The following NFATC1 variants were observed in gnomAD, a reference collection of about 807,000 sequenced individuals.
The protein encoded by NFATC1 is nuclear factor of activated T-cells, cytoplasmic 1.
A neutral mutation model predicts 76.0 loss-of-function variants in NFATC1; 22 were observed. That is an observed-to-expected ratio of 0.29 (90% CI 0.21 to 0.41). NFATC1 has a LOEUF of 0.41. NFATC1 is among the 10% of genes least tolerant of loss of function. NFATC1 has a pLI of 1.00. For missense variants in NFATC1, 1,357 were observed against 1,337.7 expected, an observed-to-expected ratio of 1.01 and a Z score of -0.23; for synonymous variants, 704 against 613.1, an observed-to-expected ratio of 1.15 and a Z score of -2.19.
intron 9 of NFATC1, among the ~76,000 whole-genome samples, chr18:79,506,475 G>A (rs1409239990): frequency 6.6e-6 from 1 of 152,184 alleles, no homozygotes; most frequent in Non-Finnish European, 1.5e-5. Flanking sequence ...CCTCCACACA[G>A]CCCTTGGAGC....
At chr18:79,513,401 C>T (rs1174604383) in intron 9 of NFATC1, among the ~76,000 whole-genome samples, 4 of 152,226 alleles carry the variant, frequency 2.6e-5, no homozygotes, top group African/African-American at 2.4e-5. Context: ...CTCTTCCACC[C>T]GCCTCCCACC....
intron 2 of NFATC1, among the ~76,000 whole-genome samples, chr18:79,420,198 C>T (rs185052339): frequency 4.0e-5 from 6 of 150,094 alleles, no homozygotes; most frequent in Non-Finnish European, 1.5e-5. Flanking sequence ...TTCCAGGCGA[C>T]GTCGCTGCAG....
chr18:79,422,934 CG>C (rs1416223591), intron 2 of NFATC1, among the ~76,000 whole-genome samples: 1 of 146,448 alleles, frequency 6.8e-6, no homozygotes. Flanking sequence ...GGGGCTGCCT[CG>C]GGGGCGGGGG....
rs150374931 is a variant in NFATC1, at chr18:79,410,428, C to A, written c.153C>A (p.Asn51Lys). ...EEEHYGYASS[N>K]VSPALPLPTA... Reference sequence around the variant, plus strand: ...AACACTATGGCTATGCATCCTCCAACGTCAGCCCCGCCCTGCCGCTCCCCA... The same window carrying A: ...AACACTATGGCTATGCATCCTCCAAAGTCAGCCCCGCCCTGCCGCTCCCCA... Residue 51 changes from asparagine (N) to lysine (K), a missense_variant, in exon 2 of 10, where the codon AAC becomes AAA. Physicochemically the swap from Asn to Lys is moderately conservative, Grantham distance 94. This residue lies in a region of NFATC1 where 691 missense variants were observed against 613.1 expected (regional missense o/e 1.13). Coordinates refer to ENST00000427363, the MANE Select transcript of NFATC1 (RefSeq NM_001278669.2). This position sits in a 1 kb window ranked among gnomAD's most constrained non-coding sequence, Gnocchi z 6.7. The A allele has an allele frequency of 6.2e-7, 1 of 1,611,132 alleles. No homozygotes were observed. Among genetic ancestry groups the A allele is most frequent in the Non-Finnish European group, 8.5e-7 (1 of 1,179,350 alleles).
At chr18:79,481,466 C>T (rs549002128) in intron 8 of NFATC1, among the ~76,000 whole-genome samples, 4 of 152,328 alleles carry the variant, frequency 2.6e-5, no homozygotes, top group East Asian at 1.9e-4. Context: ...AACATGAGGG[C>T]GCCGTGTCCT....
intron 8 of NFATC1, among the ~76,000 whole-genome samples, chr18:79,474,834 A>G (rs1390106195): frequency 2.1e-3 from 283 of 133,900 alleles, no homozygotes; most frequent in African/African-American, 8.7e-3. Context: ...GCGTGTTCTC[A>G]CGCTCGCTGT....
chr18:79,466,413 C>T (rs2088495685), intron 7 of NFATC1, among the ~76,000 whole-genome samples: 1 of 152,178 alleles, frequency 6.6e-6, no homozygotes, highest in South Asian at 2.1e-4. Context: ...GGCAGGGATG[C>T]CTGCATCACC....
At chr18:79,508,347 C>T (rs1346413123) in intron 9 of NFATC1, among the ~76,000 whole-genome samples, 2 of 152,122 alleles carry the variant, frequency 1.3e-5, no homozygotes, top group Non-Finnish European at 2.9e-5. Context: ...GCAGTTCGCT[C>T]GGCCTGACCA....
intron 8 of NFATC1, chr18:79,467,785 TGGGGGTG>T: frequency 4.9e-5 from 11 of 223,094 alleles, no homozygotes; most frequent in Non-Finnish European, 6.8e-5. Context: ...TGATCCCTGT[TGGGGGTG>T]GGGGGCGGGG....
chr18:79,509,319 C>T (rs866928890), intron 9 of NFATC1, among the ~76,000 whole-genome samples: 11 of 152,238 alleles, frequency 7.2e-5, no homozygotes, highest in Admixed American at 3.9e-4. Flanking sequence ...CTCCACCAGC[C>T]GGAACTCACC....
intron 1 of NFATC1, among the ~76,000 whole-genome samples, chr18:79,409,497 C>G (rs1377278779): frequency 1.3e-5 from 2 of 151,996 alleles, no homozygotes; most frequent in Middle Eastern, 3.4e-3. Flanking sequence ...CATCATTCAT[C>G]CATCCATCCG....
chr18:79,400,501 C>T lies in NFATC1; in HGVS notation c.127+4150C>T, dbSNP rs2085166001. The T allele has an allele frequency of 5.7e-6, 8 of 1,400,588 alleles. No homozygotes were observed. The East Asian group carries it at 1.6e-4, about 28-fold the overall frequency. 86.8% of individuals were successfully genotyped at this position (1,400,588 alleles called of 1,614,324 possible). A position where few individuals can be genotyped will look rare whatever the true frequency, so the allele number is the denominator to read the frequency against. ...CCAGGTGGGTCAGTCCCGGAGGGCG[C>T]GGGGGGCGCGGGGCCAGGTCGGGGT... is the stretch of plus-strand genomic sequence containing the variant. On this transcript the variant is annotated intron_variant, in intron 1 of 9. Transcript: ENST00000427363.
intron 8 of NFATC1, among the ~76,000 whole-genome samples, chr18:79,482,012 G>A (rs550448092): frequency 8.9e-5 from 12 of 135,556 alleles, no homozygotes; most frequent in African/African-American, 3.1e-4. Context: ...TCATTCCAGT[G>A]TGACCTGGTT....
chr18:79,396,174 G>C lies in NFATC1; in HGVS notation c.-51G>C. 1.4e-6 allele frequency: 2 copies of C among 1,409,088 alleles called. No homozygotes were observed. The allele number at this position is 1,409,088 out of a possible 1,614,324, so 87.3% of individuals were successfully genotyped here. On this transcript the variant is annotated 5_prime_UTR_variant, in exon 1 of 10. Transcript: ENST00000427363. ...CCGACCCCGGCAGCGCGGGGCGGCC[G>C]CTTCTCCTGTGCCTCCGCCCGCCGC...
chr18:79,438,702 C>T (rs6506768), intron 3 of NFATC1, among the ~76,000 whole-genome samples: 20,780 of 152,186 alleles, frequency 0.14, 2,085 homozygotes, highest in African/African-American at 0.27. Context: ...GATCCTGCCT[C>T]AGCCGCGCGG....
intron 8 of NFATC1, among the ~76,000 whole-genome samples, chr18:79,476,576 C>G (rs1159911461): frequency 6.6e-6 from 1 of 152,210 alleles, no homozygotes; most frequent in Non-Finnish European, 1.5e-5. Context: ...CTGAGACCCC[C>G]ATCAAGTACC....
At chr18:79,488,068 C>T (rs1450740260) in intron 9 of NFATC1, among the ~76,000 whole-genome samples, 1 of 147,126 alleles carries the variant, frequency 6.8e-6, no homozygotes, top group African/African-American at 2.7e-5. Context: ...GCATTAGCCC[C>T]TCCTGACCCA....
chr18:79,436,981 C>T (rs1037342498), intron 3 of NFATC1, among the ~76,000 whole-genome samples: 4 of 152,204 alleles, frequency 2.6e-5, no homozygotes, highest in African/African-American at 7.2e-5. Context: ...CTGAGGCCAC[C>T]CCCATTACGG....
chr18:79,400,546 C>T (rs1600574767), intron 1 of NFATC1: 3 of 1,259,416 alleles, frequency 2.4e-6, no homozygotes, highest in East Asian at 3.3e-5. Flanking sequence ...CCCAGGCCCC[C>T]TCCGCGTCCT....
Sources: allele counts gnomAD v4.1 joint callset (sites outside exome capture counted in the v4.1 genomes callset), GRCh38; gene constraint gnomAD v4.1.1; regional missense constraint gnomAD v4.1.1; non-coding constraint Gnocchi (gnomAD v3.1); transcripts MANE v1.5; gene names NCBI Gene and HGNC (gene_info 2026-07-23, HGNC 2026-07-21).